The following NID1 variants were observed in gnomAD, a reference collection of about 807,000 sequenced individuals.
NID1 encodes the protein nidogen 1, also known as nidogen-1.
A neutral mutation model predicts 130.6 loss-of-function variants in NID1; 76 were observed. The ratio of observed to expected loss-of-function variants is 0.58; its 90% CI spans 0.48 to 0.70. NID1 has a LOEUF of 0.70. Among genes scored for constraint, NID1 ranks in the 30% least tolerant of loss-of-function variants. NID1 has a pLI of 0.00. For synonymous variants in NID1, 665 were observed against 675.1 expected (o/e 0.98, Z 0.23); for missense variants, 1,517 against 1,664.8 (o/e 0.91, Z 1.54).
At position 236,013,492 on chromosome 1, in the gene NID1, C is replaced by T. The variant is rs1375888227; in HGVS notation, c.2323G>A (p.Ala775Thr). The T allele has an allele frequency of 6.2e-7, 1 of 1,613,136 alleles. No individual in the cohort carries two copies. Among genetic ancestry groups the T allele is most frequent in the Non-Finnish European group, 8.5e-7 (1 of 1,179,708 alleles). The change falls in exon 11 of 20, where the codon GCC becomes ACC. Residue 775 changes from alanine (A) to threonine (T), a missense_variant. Transcript: ENST00000264187. ...GLHNCDIPQRAQCIYTGGSSY... is the reference protein window; with the variant it reads ...GLHNCDIPQRTQCIYTGGSSY... ...GAGCCTCCTGTGTAGATACACTGGG[C>T]CCGCTGGGGTATGTCGCAGTTATGA...
chr1:235,982,146 C>A (rs182023915), intron 15 of NID1, among the ~76,000 whole-genome samples: 184 of 152,202 alleles, frequency 1.2e-3, no homozygotes, highest in African/African-American at 4.1e-3. Context: ...GGGAGGGGTT[C>A]CTGGGGGAGG....
Position 236,045,572 on chromosome 1 carries a change from T to A in NID1, c.637A>T (p.Asn213Tyr), listed in dbSNP as rs750076610. The A allele has an allele frequency of 7.4e-6, 12 of 1,614,182 alleles. No homozygotes were observed. The East Asian group carries it at 2.7e-4, about 36-fold the overall frequency. The part of the protein sequence containing the change: ...FHTTFSKKEN[N>Y]QVPAVVAFSQ... ...AATGCAACCACGGCAGGAACTTGGT[T>A]GTTTTCCTTCTTTGAGAATGTCGTA... Residue 213 changes from asparagine to tyrosine, a missense_variant, in exon 3 of 20, where the codon AAC (asparagine) becomes TAC (tyrosine). Asn to Tyr is a moderately radical substitution (Grantham distance 143). This residue lies in a region of NID1 where 1,329 missense variants were observed against 1,429.2 expected (regional missense o/e 0.93). Coordinates refer to ENST00000264187, the MANE Select transcript of NID1 (RefSeq NM_002508.3).
intron 8 of NID1, among the ~76,000 whole-genome samples, 158 bp downstream of exon 8, chr1:236,025,738 G>A (rs1658910016): frequency 1.3e-5 from 2 of 152,130 alleles, no homozygotes; most frequent in African/African-American, 4.8e-5. Flanking sequence ...GCTTTTCCAA[G>A]AATCAAAAAT....
At chr1:236,007,779 T>A (rs1658291924) in intron 12 of NID1, among the ~76,000 whole-genome samples, 1 of 152,194 alleles carries the variant, frequency 6.6e-6, no homozygotes, top group Admixed American at 6.5e-5. Context: ...AGCAACCTCA[T>A]GAGAGTCCCT....
intron 15 of NID1, among the ~76,000 whole-genome samples, chr1:235,983,000 G>C (rs752062347): frequency 1.1e-4 from 17 of 152,098 alleles, no homozygotes; most frequent in Non-Finnish European, 1.5e-5. Context: ...TCAGCCTCCC[G>C]AGTAGCTGGG....
chr1:236,004,492 G>T (rs1196785729), intron 12 of NID1, among the ~76,000 whole-genome samples: 1 of 152,318 alleles, frequency 6.6e-6, no homozygotes, highest in South Asian at 2.1e-4. Context: ...GCCAGGCGCG[G>T]TGGCTCATGC....
rs1657299015 is a variant in NID1 at position 235,977,514 on chromosome 1, G to T, written c.*353C>A. ...TGAGCTCATAAGGCCACAGGGAAGG[G>T]TGCAACTCAAATTTGGGAGGTTCTG... On this transcript the variant is annotated 3_prime_UTR_variant, in exon 20 of 20. Transcript: ENST00000264187. 1 of 194,606 alleles carries T rather than the reference G, an allele frequency of 5.1e-6. No homozygotes were observed. Among genetic ancestry groups the T allele is most frequent in the South Asian group, 1.1e-4 (1 of 9,274 alleles). The allele number at this position is 194,606 out of a possible 1,614,324, so 12.1% of individuals were successfully genotyped here.
At chr1:236,061,883 C>T (rs1660046386) in intron 1 of NID1, among the ~76,000 whole-genome samples, 1 of 152,130 alleles carries the variant, frequency 6.6e-6, no homozygotes. Flanking sequence ...CACAGCACTT[C>T]ACACCCACTG....
At chr1:235,988,556 G>A (rs1657635174) in intron 14 of NID1, among the ~76,000 whole-genome samples, 1 of 152,140 alleles carries the variant, frequency 6.6e-6, no homozygotes, top group African/African-American at 2.4e-5. Context: ...TTAAAGCAGG[G>A]ACTCGAACAG....
At chr1:236,040,992 G>C (rs1203584992) in intron 4 of NID1, among the ~76,000 whole-genome samples, 1 of 152,054 alleles carries the variant, frequency 6.6e-6, no homozygotes, top group Non-Finnish European at 1.5e-5. Flanking sequence ...AAAAATGAAA[G>C]CATCCAGGAG....
chr1:236,004,890 A>T (rs1414127625), intron 12 of NID1, among the ~76,000 whole-genome samples: 1 of 152,038 alleles, frequency 6.6e-6, no homozygotes, highest in Non-Finnish European at 1.5e-5. Context: ...CTTAAGCAGG[A>T]TGGAGCCCGG....
intron 13 of NID1, among the ~76,000 whole-genome samples, 183 bp downstream of exon 13, chr1:235,993,462 G>A: frequency 7.5e-6 from 1 of 133,050 alleles, no homozygotes; most frequent in East Asian, 1.9e-4. Flanking sequence ...AGGAGGAGAG[G>A]AAGCACGGGG....
In NID1 at chr1:235,993,989, A is replaced by C. The variant is rs1202420848; in HGVS notation, c.2528-117T>G. ...GAACCACGAGGGCTGCCTGTGTGTC[A>C]CTGGGTTTTGTTTCATCAGTTATTC... is the stretch of plus-strand genomic sequence containing the variant. On this transcript the variant is annotated intron_variant, in intron 12 of 19. Coordinates refer to ENST00000264187, the MANE Select transcript of NID1 (RefSeq NM_002508.3). 29 of 817,150 alleles carry C rather than the reference A, an allele frequency of 3.5e-5. 1 individual carries two copies. The highest frequency in any genetic ancestry group is 5.4e-5 in the South Asian group (3 of 55,768). The allele number at this position is 817,150 out of a possible 1,614,324, so 50.6% of individuals were successfully genotyped here.
At chr1:236,022,407 T>C (rs112183345) in intron 9 of NID1, among the ~76,000 whole-genome samples, 86,959 of 146,784 alleles carry the variant, frequency 0.59, 26,852 homozygotes, top group East Asian at 0.76. Context: ...GGTGTGATCT[T>C]GGCTCACTGA....
At chr1:236,009,111 G>C (rs775656034) in intron 12 of NID1, among the ~76,000 whole-genome samples, 1 of 152,178 alleles carries the variant, frequency 6.6e-6, no homozygotes, top group African/African-American at 2.4e-5. Flanking sequence ...CCAAATCCAC[G>C]TACTGAAATC....
chr1:236,043,609 T>C (rs554237141), intron 3 of NID1, among the ~76,000 whole-genome samples: 3 of 151,880 alleles, frequency 2.0e-5, no homozygotes, highest in Non-Finnish European at 4.4e-5. Context: ...CCATCCTGGC[T>C]AACATGGTGA....
intron 9 of NID1, among the ~76,000 whole-genome samples, chr1:236,022,832 G>T (rs1305820943): frequency 6.6e-6 from 1 of 151,358 alleles, no homozygotes; most frequent in Non-Finnish European, 1.5e-5. Flanking sequence ...GGAGGCCGAG[G>T]CAGGTGGATC....
intron 1 of NID1, among the ~76,000 whole-genome samples, chr1:236,054,553 A>T (rs909279129): frequency 2.0e-5 from 3 of 152,132 alleles, no homozygotes; most frequent in Middle Eastern, 3.2e-3. Context: ...AAAATAAAAC[A>T]TTTCATGAAA....
intron 13 of NID1, among the ~76,000 whole-genome samples, chr1:235,992,161 A>G (rs184254137): frequency 6.6e-6 from 1 of 152,266 alleles, no homozygotes; most frequent in Admixed American, 6.5e-5. Context: ...CAGGGCATGC[A>G]TCTTCCAGAG....
Sources: gnomAD v4.1 joint callset for allele counts (sites outside exome capture counted in the v4.1 genomes callset) on GRCh38, gnomAD v4.1.1 for gene constraint, gnomAD v4.1.1 regional missense constraint, MANE v1.5 for transcripts, NCBI Gene and HGNC (gene_info 2026-07-23, HGNC 2026-07-21) for gene names.